ARID4A: variants seen among roughly 807,000 people sequenced by gnomAD.
ARID4A encodes AT-rich interactive domain-containing protein 4A.
Under a neutral mutation model 148.6 loss-of-function variants are expected in ARID4A, and 39 were observed. The observed-to-expected ratio is 0.26, with a 90% CI of 0.20 to 0.34. The LOEUF is 0.34. Among genes scored for constraint, ARID4A ranks in the 10% least tolerant of loss-of-function variants. The probability of loss-of-function intolerance (pLI) is 1.00; values close to 1 mark genes in which losing one functional copy is unlikely to be tolerated. For missense variants in ARID4A, 1,265 were observed against 1,449.1 expected (o/e 0.87, Z 2.06); for synonymous variants, 475 against 481.2 (o/e 0.99, Z 0.17).
At position 58,365,542 on chromosome 14, in the gene ARID4A, A is replaced by G. The variant is rs751990202; in HGVS notation, c.3236A>G (p.Asn1079Ser). The G allele has an allele frequency of 1.1e-5, 17 of 1,608,746 alleles. No individual in the cohort carries two copies. The highest frequency in any genetic ancestry group is 4.1e-5 in the African/African-American group (3 of 73,770). Residue 1079 changes from asparagine (N) to serine (S), a missense_variant, in exon 21 of 24, where the codon AAT becomes AGT. Around this residue, in one of 9 missense-constraint regions of ARID4A, gnomAD observed 666 missense variants for 730.9 expected, o/e 0.91. Coordinates refer to ENST00000355431, the MANE Select transcript of ARID4A (RefSeq NM_002892.4). ...EKGQKRPSDGNSGLMAKKQKR... is the reference protein window; with the variant it reads ...EKGQKRPSDGSSGLMAKKQKR... ...GGTCAGAAGAGGCCAAGTGATGGAA[A>G]TAGTGGATTAATGGCAAAAAAGCAA... is the stretch of plus-strand genomic sequence containing the variant.
At chr14:58,365,740 C>T in intron 21 of ARID4A, 118 bp downstream of exon 21, 1 of 886,132 alleles carries the variant, frequency 1.1e-6, no homozygotes. Context: ...TTTCATTTAA[C>T]AGTATTATAC....
intron 11 of ARID4A, among the ~76,000 whole-genome samples, chr14:58,341,107 G>A (rs906119965): frequency 3.3e-5 from 5 of 151,842 alleles, no homozygotes; most frequent in African/African-American, 1.2e-4. Flanking sequence ...TCCTTTCATG[G>A]GAAGAGGTGA....
In ARID4A at chr14:58,337,246, T is replaced by TTATATATATATATA. The variant is rs57605969; in HGVS notation, c.906+7086_906+7099dup. 4.1e-3 allele frequency among the ~76,000 whole-genome samples: 343 copies of TTATATATATATATA among 83,782 alleles called. 19 individuals carry two copies. Among genetic ancestry groups the TTATATATATATATA allele is most frequent in the South Asian group, 0.016 (39 of 2,472 alleles). The allele number at this position is 83,782 out of a possible 152,430, so 55.0% of individuals were successfully genotyped here. On this transcript the variant is annotated intron_variant, in intron 11 of 23. Coordinates refer to ENST00000355431, the MANE Select transcript of ARID4A (RefSeq NM_002892.4). Reference sequence around the variant, plus strand: ...AAATCTCCTAGAACCTTCTCTTTATTTATATATATATATATATATATAATT... The same window carrying TTATATATATATATA: ...AAATCTCCTAGAACCTTCTCTTTATTTATATATATATATATATATATATATATATATATATAATT...
chr14:58,371,163 C>A (rs2140282295), intron 23 of ARID4A, among the ~76,000 whole-genome samples: 1 of 152,196 alleles, frequency 6.6e-6, no homozygotes, highest in Non-Finnish European at 1.5e-5. Context: ...AGTGGCATGT[C>A]TTAGCTACTT....
intron 11 of ARID4A, among the ~76,000 whole-genome samples, chr14:58,344,151 A>G (rs1339357399): frequency 1.3e-5 from 2 of 152,180 alleles, no homozygotes; most frequent in African/African-American, 4.8e-5. Flanking sequence ...AATAGAATGT[A>G]TATGACTCAC....
intron 11 of ARID4A, among the ~76,000 whole-genome samples, chr14:58,331,083 G>A (rs1283858267): frequency 1.3e-5 from 2 of 152,180 alleles, no homozygotes; most frequent in African/African-American, 2.4e-5. Flanking sequence ...GAAATGAAAC[G>A]AGTATAGTCA....
intron 15 of ARID4A, among the ~76,000 whole-genome samples, chr14:58,348,434 G>A (rs1040466006): frequency 6.6e-6 from 1 of 152,122 alleles, no homozygotes; most frequent in East Asian, 1.9e-4. Context: ...TCTTTATAGT[G>A]CCTGTGCCCT....
At chr14:58,318,519 C>G in intron 5 of ARID4A, 23 bp from the exon 6 acceptor site, 1 of 1,609,476 alleles carries the variant, frequency 6.2e-7, no homozygotes. Flanking sequence ...CATAAATTCT[C>G]TGTTATCTTT....
chr14:58,370,826 G>T (rs929106318), intron 23 of ARID4A, among the ~76,000 whole-genome samples: 2 of 152,006 alleles, frequency 1.3e-5, no homozygotes, highest in African/African-American at 4.8e-5. Flanking sequence ...GCTCAGGCTG[G>T]TCTGGAACCC....
chr14:58,316,142 A>C (rs2032393742), intron 5 of ARID4A, among the ~76,000 whole-genome samples: 1 of 152,244 alleles, frequency 6.6e-6, no homozygotes, highest in Non-Finnish European at 1.5e-5. Context: ...CAGGATTATA[A>C]TTTCATAGGT....
intron 4 of ARID4A, among the ~76,000 whole-genome samples, chr14:58,305,492 T>C (rs1023421621): frequency 6.6e-6 from 1 of 152,174 alleles, no homozygotes; most frequent in African/African-American, 2.4e-5. Context: ...AGTACCACTT[T>C]GGTTAATATC....
chr14:58,357,247 T>C (rs1368027119), intron 17 of ARID4A, among the ~76,000 whole-genome samples: 3 of 152,232 alleles, frequency 2.0e-5, no homozygotes, highest in African/African-American at 7.2e-5. Context: ...TAAGCTGTGA[T>C]GTTCAGTAGG....
chr14:58,369,539 T>G (rs959097385), intron 23 of ARID4A, among the ~76,000 whole-genome samples: 3 of 145,564 alleles, frequency 2.1e-5, no homozygotes, highest in African/African-American at 7.7e-5. Flanking sequence ...GGCTTGAGGA[T>G]CACTTGAACC....
intron 5 of ARID4A, among the ~76,000 whole-genome samples, chr14:58,313,937 G>A (rs1227933952): frequency 6.7e-6 from 1 of 150,030 alleles, no homozygotes; most frequent in African/African-American, 2.5e-5. Context: ...TCCCCACCTG[G>A]TTCACTGGCA....
In ARID4A at chr14:58,323,581, G is replaced by A. The variant is rs781236840; in HGVS notation, c.546G>A (p.Val182=). ...TACTAGGAAAAGTTGTAAGTGTGGTGTCTGCAACGGAGAGGACTGAATGGT... is the reference window on the plus strand; with the variant it reads ...TACTAGGAAAAGTTGTAAGTGTGGTATCTGCAACGGAGAGGACTGAATGGT... The part of the protein sequence containing the change: ...DELLGKVVSV[V]SATERTEWYP... The change falls in exon 8 of 24, where the codon GTG becomes GTA. Residue 182 remains valine (V), a synonymous_variant. Transcript: ENST00000355431. 6.2e-7 allele frequency: 1 copy of A among 1,614,156 alleles called. No homozygotes were observed. The highest frequency in any genetic ancestry group is 8.5e-7 in the Non-Finnish European group (1 of 1,180,022).
Position 58,372,192 on chromosome 14 carries a change from G to T in ARID4A, c.*203G>T. Reference sequence around the variant, plus strand: ...AAGCTGATTAATAAGTGAAGGTTAAGCAGCCTGCCATATTTGTCATAATTT... The same window carrying T: ...AAGCTGATTAATAAGTGAAGGTTAATCAGCCTGCCATATTTGTCATAATTT... On this transcript the variant is annotated 3_prime_UTR_variant, in exon 24 of 24. Transcript: ENST00000355431. 1 of 464,588 alleles carries T rather than the reference G, an allele frequency of 2.2e-6. No homozygotes were observed. The highest frequency in any genetic ancestry group is 3.8e-6 in the Non-Finnish European group (1 of 262,080). The allele number at this position is 464,588 out of a possible 1,614,324, so 28.8% of individuals were successfully genotyped here. A position where few individuals can be genotyped will look rare whatever the true frequency, so the allele number is the denominator to read the frequency against.
chr14:58,368,681 T>A (rs1400771943), intron 23 of ARID4A, among the ~76,000 whole-genome samples: 1 of 152,218 alleles, frequency 6.6e-6, no homozygotes, highest in Non-Finnish European at 1.5e-5. Context: ...TTGGGTTTTT[T>A]ATTTTTTTCA....
chr14:58,356,850 C>T (rs753762040), intron 17 of ARID4A, among the ~76,000 whole-genome samples: 5 of 151,874 alleles, frequency 3.3e-5, no homozygotes, highest in South Asian at 2.1e-4. Context: ...TACAGACGCA[C>T]GCCACCATGC....
intron 11 of ARID4A, 142 bp downstream of exon 11, chr14:58,330,311 GAA>G: frequency 8.2e-7 from 1 of 1,218,560 alleles, no homozygotes; most frequent in Non-Finnish European, 1.1e-6. Context: ...GGGTGTTGAG[GAA>G]GCATTTTGGC....
Sources: allele counts gnomAD v4.1 joint callset (sites outside exome capture counted in the v4.1 genomes callset), GRCh38; gene constraint gnomAD v4.1.1; regional missense constraint gnomAD v4.1.1; transcripts MANE v1.5; gene names NCBI Gene and HGNC (gene_info 2026-07-23, HGNC 2026-07-21).